Variants in ABCB1 observed in about 807,000 individuals in gnomAD.
ABCB1 encodes the protein ATP binding cassette subfamily B member 1.
A neutral mutation model predicts 142.0 loss-of-function variants in ABCB1; 69 were observed. That is an observed-to-expected ratio of 0.49 (90% confidence interval 0.40 to 0.59). The LOEUF is 0.59. Among genes scored for constraint, ABCB1 ranks in the 20% least tolerant of loss-of-function variants. ABCB1 has a pLI of 0.00. For missense variants in ABCB1, 1,326 were observed against 1,554.7 expected (o/e 0.85, Z 2.47); for synonymous variants, 532 against 539.2 (o/e 0.99, Z 0.18).
intron 1 of ABCB1, among the ~76,000 whole-genome samples, chr7:87,620,701 G>T (rs143955843): frequency 6.6e-5 from 10 of 152,122 alleles, no homozygotes; most frequent in African/African-American, 2.2e-4. Flanking sequence ...CAAAAAATGG[G>T]TAAACACTTT....
At chr7:87,634,494 TGGG>T (rs58092989) in intron 1 of ABCB1, among the ~76,000 whole-genome samples, 1 of 73,284 alleles carries the variant, frequency 1.4e-5, no homozygotes, top group African/African-American at 6.2e-5. Flanking sequence ...TGGTGGGGGG[TGGG>T]GGGGGGGGCA....
chr7:87,579,433 T>C (rs760979280), intron 4 of ABCB1, among the ~76,000 whole-genome samples: 2 of 152,244 alleles, frequency 1.3e-5, no homozygotes, highest in Non-Finnish European at 2.9e-5. Flanking sequence ...TGGTGAATTT[T>C]ATCAAAGGCC....
intron 1 of ABCB1, among the ~76,000 whole-genome samples, chr7:87,700,953 A>G (rs982184982): frequency 1.3e-5 from 2 of 152,244 alleles, no homozygotes; most frequent in African/African-American, 4.8e-5. Flanking sequence ...CTTCCCCACC[A>G]TGCACTCAGT....
intron 1 of ABCB1, among the ~76,000 whole-genome samples, chr7:87,607,718 A>AT (rs35644241): frequency 0.052 from 7,791 of 151,000 alleles, 210 homozygotes; most frequent in African/African-American, 0.086. Context: ...TGCCTGGCTA[A>AT]TTTTTTTTTG....
intron 1 of ABCB1, among the ~76,000 whole-genome samples, chr7:87,646,683 T>A (rs1444149107): frequency 6.6e-6 from 1 of 152,168 alleles, no homozygotes; most frequent in Non-Finnish European, 1.5e-5. Context: ...TTTAGAAACA[T>A]TTCTCATTTC....
chr7:87,624,218 C>A lies in ABCB1; in HGVS notation c.-330-23140G>T, dbSNP rs545824088. Among the ~76,000 whole-genome samples, 7 of 152,244 alleles carry A rather than the reference C, an allele frequency of 4.6e-5. No homozygotes were observed. In the South Asian group the frequency reaches 1.4e-3, roughly 32 times the overall value. On this transcript the variant is annotated intron_variant, in intron 1 of 28. Coordinates refer to the ABCB1 transcript ENST00000265724. ...TCACACACATGTGAGACGTGCCTCACCCAATCCTTGTTATGATGTCAGCAT... is the reference window on the plus strand; with the variant it reads ...TCACACACATGTGAGACGTGCCTCAACCAATCCTTGTTATGATGTCAGCAT...
Position 87,504,305 on chromosome 7 carries a change from G to A in ABCB1, c.3781C>T (p.Leu1261=), listed in dbSNP as rs1416914514. ...VKEHGTHQQL[L]AQKGIYFSMV... ...GAAAAATAGATGCCTTTCTGTGCCA[G>A]CAGCTGCTGATGCGTGCCATGCTCC... Residue 1261 remains leucine, a synonymous_variant, in exon 28 of 28, where the codon CTG becomes TTG. Coordinates refer to ENST00000622132, the MANE Select transcript of ABCB1 (RefSeq NM_001348946.2). The A allele has an allele frequency of 6.2e-7, 1 of 1,614,060 alleles. No homozygotes were observed.
chr7:87,617,759 A>T (rs1044154235), intron 1 of ABCB1, among the ~76,000 whole-genome samples: 8 of 152,216 alleles, frequency 5.3e-5, no homozygotes, highest in African/African-American at 9.6e-5. Context: ...TTCAAAACTC[A>T]GATCTGATCT....
At chr7:87,583,294 T>A (rs1818598620) in intron 4 of ABCB1, among the ~76,000 whole-genome samples, 1 of 152,198 alleles carries the variant, frequency 6.6e-6, no homozygotes, top group Admixed American at 6.5e-5. Context: ...AAAGTATGAA[T>A]AAATTCCCTA....
intron 21 of ABCB1, chr7:87,522,180 T>C (rs1584843437): frequency 2.8e-6 from 4 of 1,445,424 alleles, no homozygotes; most frequent in Non-Finnish European, 3.8e-6. Context: ...ATAGTGGCAG[T>C]GGGGATGGCT....
In ABCB1 at chr7:87,519,372, CTCCAAACCGGAAACA is replaced by C; in HGVS notation, c.2866_2880del (p.Cys956_Gly960del). On this transcript the variant is annotated inframe_deletion, in exon 23 of 28. Coordinates refer to ENST00000622132, the MANE Select transcript of ABCB1 (RefSeq NM_001348946.2). The stretch of plus-strand genomic sequence containing the variant: ...ATGAGTTTATGTGCCACCAAGTAGG[CTCCAAACCGGAAACA>C]TCCAGCATAGGAAAAATACATCATT... 1 of 1,614,162 alleles carries C rather than the reference CTCCAAACCGGAAACA, an allele frequency of 6.2e-7. No individual in the cohort carries two copies. Among genetic ancestry groups the C allele is most frequent in the Non-Finnish European group, 8.5e-7 (1 of 1,180,002 alleles).
At position 87,544,033 on chromosome 7, in the gene ABCB1, G is replaced by A. The variant is rs553628849; in HGVS notation, c.2211+96C>T. On this transcript the variant is annotated intron_variant, in intron 17 of 27. Transcript: ENST00000622132. Reference sequence around the variant, plus strand: ...TTTCATATGGAGATACGTGGATTTTGTTGTTTTTGTATCCCAGTTCAGACA... The same window carrying A: ...TTTCATATGGAGATACGTGGATTTTATTGTTTTTGTATCCCAGTTCAGACA... The A allele has an allele frequency of 2.8e-6, 4 of 1,447,920 alleles. No individual in the cohort carries two copies. In the East Asian group the frequency reaches 9.2e-5, roughly 33 times the overall value. The allele number at this position is 1,447,920 out of a possible 1,614,324, so 89.7% of individuals were successfully genotyped here. A position where few individuals can be genotyped will look rare whatever the true frequency, so the allele number is the denominator to read the frequency against.
intron 21 of ABCB1, among the ~76,000 whole-genome samples, chr7:87,530,847 AAG>A (rs1206129103): frequency 1.7e-5 from 2 of 118,146 alleles, no homozygotes; most frequent in African/African-American, 6.8e-5. Context: ...GCAAGAAAGA[AAG>A]AAAGAAAGAA....
At chr7:87,629,109 C>A (rs1820931766) in intron 1 of ABCB1, 1 of 597,050 alleles carries the variant, frequency 1.7e-6, no homozygotes, top group Non-Finnish European at 2.5e-6. Context: ...TGGACAGGGG[C>A]CCGGGTCTGG....
intron 1 of ABCB1, among the ~76,000 whole-genome samples, chr7:87,611,147 G>C (rs769780944): frequency 1.6e-4 from 24 of 152,264 alleles, no homozygotes; most frequent in Non-Finnish European, 3.1e-4. Flanking sequence ...GCTTCCCACT[G>C]TTCTCAGGTT....
At chr7:87,628,639 A>C in intron 1 of ABCB1, 5 of 340,376 alleles carry the variant, frequency 1.5e-5, no homozygotes, top group Admixed American at 5.0e-5. Flanking sequence ...CTCGGGTGCC[A>C]AGGGCGAGCC....
chr7:87,617,628 G>A (rs1677600448), intron 1 of ABCB1, among the ~76,000 whole-genome samples: 2 of 152,184 alleles, frequency 1.3e-5, no homozygotes, highest in Admixed American at 1.3e-4. Flanking sequence ...AAAGACTGTA[G>A]TCCTAAGTCT....
At chr7:87,708,151 A>G (rs1415733016) in intron 1 of ABCB1, among the ~76,000 whole-genome samples, 1 of 152,168 alleles carries the variant, frequency 6.6e-6, no homozygotes, top group Non-Finnish European at 1.5e-5. Context: ...AAGAAATAAC[A>G]GTAAAAATTC....
chr7:87,533,346 G>A (rs1054501829), intron 20 of ABCB1, among the ~76,000 whole-genome samples: 1 of 152,114 alleles, frequency 6.6e-6, no homozygotes, highest in African/African-American at 2.4e-5. Flanking sequence ...TCACTTCTAG[G>A]TGTGAGTTCA....
Sources: allele counts gnomAD v4.1 joint callset (sites outside exome capture counted in the v4.1 genomes callset), GRCh38; gene constraint gnomAD v4.1.1; transcripts MANE v1.5; gene names NCBI Gene and HGNC (gene_info 2026-07-23, HGNC 2026-07-21).